DLGAP5: variants seen among roughly 807,000 people sequenced by gnomAD.
The protein encoded by DLGAP5 is disks large-associated protein 5.
In DLGAP5, 90 loss-of-function variants were observed where a neutral mutation model predicts 99.6. That is an observed-to-expected ratio of 0.90 (90% CI 0.76 to 1.08). The LOEUF is 1.08. Ranked by LOEUF, DLGAP5 falls within the 50% of genes least tolerant of loss-of-function variation. The probability of loss-of-function intolerance (pLI) is 0.00; values close to 1 mark genes in which losing one functional copy is unlikely to be tolerated. For synonymous variants in DLGAP5, 311 were observed against 321.3 expected (o/e 0.97, Z 0.34); for missense variants, 1,036 against 983.5 (o/e 1.05, Z -0.71).
chr14:55,181,108 CTG>C lies in DLGAP5; in HGVS notation c.580+103_580+104del, dbSNP rs1338250952. ...CCAACCTGGGCAACAGAGCAAGACT[CTG>C]TCACAAACAAACGAACAAATTCCAG... On this transcript the variant is annotated intron_variant, in intron 5 of 18. Transcript: ENST00000247191. 4.5e-6 allele frequency: 5 copies of C among 1,119,026 alleles called. No individual in the cohort carries two copies. In the African/African-American group the frequency reaches 7.8e-5, roughly 17 times the overall value. The allele number at this position is 1,119,026 out of a possible 1,614,324, so 69.3% of individuals were successfully genotyped here.
chr14:55,173,607 A>G (rs566550164), intron 10 of DLGAP5, among the ~76,000 whole-genome samples: 1 of 125,488 alleles, frequency 8.0e-6, no homozygotes, highest in African/African-American at 4.0e-5. Context: ...CTCTCTCTAT[A>G]TATATATATA....
At chr14:55,182,089 G>T (rs1187748318) in intron 4 of DLGAP5, among the ~76,000 whole-genome samples, 2 of 152,090 alleles carry the variant, frequency 1.3e-5, no homozygotes, top group Non-Finnish European at 2.9e-5. Flanking sequence ...CTCCCCATAT[G>T]CATTTCATGC....
In DLGAP5 at chr14:55,151,875, C is replaced by T. The variant is rs1377888538; in HGVS notation, c.2188G>A (p.Ala730Thr). The T allele has an allele frequency of 6.2e-7, 1 of 1,613,930 alleles. No individual in the cohort carries two copies. The change falls in exon 17 of 19, where the codon GCT (alanine) becomes ACT (threonine). Residue 730 changes from alanine (A) to threonine (T), a missense_variant. Transcript: ENST00000247191. ...TTAATATCATCTGCTACTCCACCAG[C>T]AAGAAGAGGCAAACTCATTCTCTCA... is the stretch of plus-strand genomic sequence containing the variant. ...SSERMSLPLLAGGVADDINTN... is the reference protein window; with the variant it reads ...SSERMSLPLLTGGVADDINTN...
At position 55,183,745 on chromosome 14, in the gene DLGAP5, T is replaced by G. The variant is rs756506213; in HGVS notation, c.247A>C (p.Lys83Gln). ...TTTCGTTGATCACCTAGAATAGTTT[T>G]CATTGCCCCTAGGCAGAAAAAAAAC... ...EKTNVKPRAM[K>Q]TILGDQRKQM... The change falls in exon 3 of 19, where the codon AAA becomes CAA. Residue 83 changes from lysine to glutamine, a missense_variant. Lys to Gln is a moderately conservative substitution (Grantham distance 53). Transcript: ENST00000247191. 2.5e-6 allele frequency: 4 copies of G among 1,589,518 alleles called. No homozygotes were observed. Among genetic ancestry groups the G allele is most frequent in the Non-Finnish European group, 3.4e-6 (4 of 1,170,004 alleles).
At chr14:55,172,152 C>T (rs1053199148) in intron 10 of DLGAP5, among the ~76,000 whole-genome samples, 1 of 150,438 alleles carries the variant, frequency 6.6e-6, no homozygotes, top group African/African-American at 2.5e-5. Context: ...AGGTGGGAGC[C>T]ACCGAACCCG....
Position 55,158,546 on chromosome 14 carries a change from C to A in DLGAP5, c.1849G>T (p.Glu617Ter). 6.2e-7 allele frequency: 1 copy of A among 1,613,784 alleles called. No homozygotes were observed. The highest frequency in any genetic ancestry group is 8.5e-7 in the Non-Finnish European group (1 of 1,179,862). ...CCTGAGAATAATTTAACAGGACTTT[C>A]AACTCTGAAAAATCCAGCATCGAAC... ...IVFDAGFFRV[E>*]SPVKLFSGLS... The change falls in exon 14 of 19, where the codon GAA becomes TAA. Residue 617 changes from glutamate (E) to a stop codon, truncating the protein, a stop_gained. Transcript: ENST00000247191. LOFTEE classifies it high-confidence loss of function.
rs775793255 is a variant in DLGAP5, at chr14:55,148,154, T to C, written c.*197A>G. ...GCAAGGCACAGTACATTTTTTATTC[T>C]GTGTTGAAAATGTACAAAATATCCC... On this transcript the variant is annotated 3_prime_UTR_variant, in exon 19 of 19. Coordinates refer to ENST00000247191, the MANE Select transcript of DLGAP5 (RefSeq NM_014750.5). The C allele has an allele frequency of 1.7e-6, 1 of 576,718 alleles. No individual in the cohort carries two copies. The highest frequency in any genetic ancestry group is 2.9e-6 in the Non-Finnish European group (1 of 343,300). The allele number at this position is 576,718 out of a possible 1,614,324, so 35.7% of individuals were successfully genotyped here.
Position 55,183,724 on chromosome 14 carries a change from G to A in DLGAP5, c.268C>T (p.Arg90Ter), listed in dbSNP as rs763937821. The A allele has an allele frequency of 1.2e-6, 2 of 1,602,184 alleles. No homozygotes were observed. The highest frequency in any genetic ancestry group is 1.7e-6 in the Non-Finnish European group (2 of 1,174,882). Residue 90 changes from arginine (R) to a stop codon, truncating the protein, a stop_gained, in exon 3 of 19, where the codon CGA becomes TGA. Coordinates refer to ENST00000247191, the MANE Select transcript of DLGAP5 (RefSeq NM_014750.5). LOFTEE classifies it high-confidence loss of function. ...TTGTATTTTTGGAGCATCTGTTTTC[G>A]TTGATCACCTAGAATAGTTTTCATT... ...RAMKTILGDQ[R>*]KQMLQKYKEE...
chr14:55,182,754 G>C (rs963033173), intron 3 of DLGAP5, among the ~76,000 whole-genome samples: 7 of 151,968 alleles, frequency 4.6e-5, no homozygotes, highest in Non-Finnish European at 8.8e-5. Flanking sequence ...CCTGGCTTCT[G>C]CCTACCTAAA....
intron 10 of DLGAP5, among the ~76,000 whole-genome samples, chr14:55,174,456 C>T (rs1402711118): frequency 6.6e-6 from 1 of 152,092 alleles, no homozygotes; most frequent in African/African-American, 2.4e-5. Flanking sequence ...GTCTGTGACC[C>T]ACACCTATTC....
chr14:55,191,217 G>A (rs915158121), intron 1 of DLGAP5: 1 of 152,186 alleles, frequency 6.6e-6, no homozygotes, highest in African/African-American at 2.4e-5. Flanking sequence ...AGCTAGTGAA[G>A]AACAGTTTCA....
At chr14:55,156,365 G>A (rs1385876826) in intron 14 of DLGAP5, among the ~76,000 whole-genome samples, 1 of 152,116 alleles carries the variant, frequency 6.6e-6, no homozygotes, top group Admixed American at 6.6e-5. Context: ...GGTACTACAT[G>A]GAAAATAAGG....
At chr14:55,157,259 G>A (rs1882244728) in intron 14 of DLGAP5, among the ~76,000 whole-genome samples, 1 of 152,184 alleles carries the variant, frequency 6.6e-6, no homozygotes, top group Non-Finnish European at 1.5e-5. Flanking sequence ...TTGAGTATAT[G>A]AAAGAACAGA....
chr14:55,169,868 C>G (rs1048458491), intron 11 of DLGAP5, among the ~76,000 whole-genome samples: 1 of 135,202 alleles, frequency 7.4e-6, no homozygotes, highest in Non-Finnish European at 1.7e-5. Context: ...GGCGCGGTGG[C>G]TCATGCCTAC....
intron 11 of DLGAP5, among the ~76,000 whole-genome samples, chr14:55,170,279 C>T (rs1882810632): frequency 6.6e-6 from 1 of 151,932 alleles, no homozygotes; most frequent in African/African-American, 2.4e-5. Context: ...TTAAGAAACT[C>T]TTCAGAAAAT....
intron 16 of DLGAP5, among the ~76,000 whole-genome samples, chr14:55,152,380 G>C (rs1882048629): frequency 6.6e-6 from 1 of 152,164 alleles, no homozygotes. Flanking sequence ...TAGTTCACTG[G>C]TTCCATATTC....
intron 13 of DLGAP5, 49 bp downstream of exon 13, chr14:55,162,922 G>A: frequency 1.0e-6 from 1 of 978,186 alleles, no homozygotes; most frequent in Admixed American, 2.5e-5. Context: ...ATGTATAACA[G>A]TTCCTTAACT....
At chr14:55,169,259 G>C in intron 12 of DLGAP5, 140 bp downstream of exon 12, 1 of 432,366 alleles carries the variant, frequency 2.3e-6, no homozygotes, top group Non-Finnish European at 3.8e-6. Flanking sequence ...ATGTTTTACA[G>C]TTTATCAAAG....
At chr14:55,161,526 C>T (rs1362369537) in intron 13 of DLGAP5, among the ~76,000 whole-genome samples, 2 of 150,314 alleles carry the variant, frequency 1.3e-5, no homozygotes, top group African/African-American at 4.9e-5. Flanking sequence ...TCTCCTGCCT[C>T]AGCCTCCTGA....
Sources: allele counts gnomAD v4.1 joint callset (sites outside exome capture counted in the v4.1 genomes callset), GRCh38; gene constraint gnomAD v4.1.1; transcripts MANE v1.5; gene names NCBI Gene and HGNC (gene_info 2026-07-23, HGNC 2026-07-21).